TCF25: variants seen among roughly 807,000 people sequenced by gnomAD.
TCF25 encodes ribosome quality control complex subunit TCF25.
A neutral mutation model predicts 83.1 loss-of-function variants in TCF25; 41 were observed. The ratio of observed to expected loss-of-function variants is 0.49; its 90% confidence interval spans 0.38 to 0.64. The LOEUF (loss-of-function observed/expected upper bound fraction) is 0.64, where lower values mean the gene tolerates loss of function less well. TCF25 is among the 30% of genes least tolerant of loss of function. TCF25 has a pLI of 0.00. For synonymous variants in TCF25, 458 were observed against 365.0 expected (o/e 1.25, Z -2.90); for missense variants, 979 against 914.5 (o/e 1.07, Z -0.91).
intron 15 of TCF25, among the ~76,000 whole-genome samples, chr16:89,906,691 G>A (rs761167698): frequency 6.6e-6 from 1 of 152,164 alleles, no homozygotes; most frequent in Non-Finnish European, 1.5e-5. Context: ...AAGATAGAAC[G>A]AGTGAGAAAA....
At chr16:89,878,067 C>G (rs1472126806) in intron 1 of TCF25, among the ~76,000 whole-genome samples, 1 of 152,152 alleles carries the variant, frequency 6.6e-6, no homozygotes, top group Non-Finnish European at 1.5e-5. Flanking sequence ...CACTTGAGCT[C>G]AGGTGTGTGA....
chr16:89,873,748 T>C lies in TCF25; in HGVS notation c.81T>C (p.Asp27=). 1.2e-6 allele frequency: 2 copies of C among 1,611,332 alleles called. No individual in the cohort carries two copies. The highest frequency in any genetic ancestry group is 1.7e-6 in the Non-Finnish European group (2 of 1,179,428). The change falls in exon 1 of 18, where the codon GAT becomes GAC. Residue 27 remains aspartate (D), a synonymous_variant. Transcript: ENST00000263346. ...EPLGPGALHF[D]LRDDDDAEEE... ...TCGGGCCCGGCGCCTTGCATTTCGA[T>C]CTCCGTGATGACGATGACGCGGAAG...
intron 16 of TCF25, among the ~76,000 whole-genome samples, chr16:89,908,647 G>A (rs867841678): frequency 6.4e-5 from 1 of 15,648 alleles, no homozygotes; most frequent in Non-Finnish European, 1.2e-4. Flanking sequence ...CCACCTCCCA[G>A]CTCCCACCTC....
intron 9 of TCF25, 25 bp downstream of exon 9, chr16:89,896,108 A>G (rs1567720191): frequency 1.9e-6 from 3 of 1,604,354 alleles, no homozygotes; most frequent in Non-Finnish European, 2.6e-6. Flanking sequence ...CCTGGAGGTG[A>G]CGCAGCTCCC....
In TCF25 at chr16:89,887,778, G is replaced by T. The variant is rs1017604247; in HGVS notation, c.614+61G>T. 2.8e-6 allele frequency: 4 copies of T among 1,449,870 alleles called. No homozygotes were observed. The Admixed American group carries it at 1.0e-4, about 37-fold the overall frequency. The allele number at this position is 1,449,870 out of a possible 1,614,324, so 89.8% of individuals were successfully genotyped here. ...TTCATTCCTTCTTAGACTCTTGGCC[G>T]GGGGTGGTGTTCCTGAAGCTAGTTT... On this transcript the variant is annotated intron_variant, in intron 5 of 17. Coordinates refer to ENST00000263346, the MANE Select transcript of TCF25 (RefSeq NM_014972.3).
In TCF25 at chr16:89,901,365, G is replaced by C. The variant is rs1376234838; in HGVS notation, c.1381+571G>C. Among the ~76,000 whole-genome samples, 7 of 152,318 alleles carry C rather than the reference G, an allele frequency of 4.6e-5. No homozygotes were observed. In the East Asian group the frequency reaches 9.6e-4, roughly 21 times the overall value. On this transcript the variant is annotated intron_variant, in intron 12 of 17. Transcript: ENST00000263346. ...CCTCTTTAAGATGGGCCTCCTCCGA[G>C]GAGCTGTGAGGGGTGAGGGTGAAAT... is the stretch of plus-strand genomic sequence containing the variant.
intron 17 of TCF25, 143 bp downstream of exon 17, chr16:89,910,806 T>G (rs2144360698): frequency 9.6e-7 from 1 of 1,038,364 alleles, no homozygotes; most frequent in East Asian, 2.5e-5. Context: ...ATTGTGCCAG[T>G]GGGGTGCCCA....
chr16:89,892,925 C>G (rs539894490), intron 6 of TCF25, among the ~76,000 whole-genome samples: 1 of 152,196 alleles, frequency 6.6e-6, no homozygotes, highest in Admixed American at 6.5e-5. Context: ...ATGGCTCCCA[C>G]GGCCGCTTCT....
chr16:89,910,375 G>A (rs891938247), intron 16 of TCF25: 2 of 595,604 alleles, frequency 3.4e-6, no homozygotes, highest in Middle Eastern at 4.4e-4. Context: ...CCCTCATCCT[G>A]TTCCCGCTGT....
intron 12 of TCF25, 109 bp downstream of exon 12, chr16:89,900,903 A>C: frequency 8.0e-7 from 1 of 1,254,546 alleles, no homozygotes; most frequent in Non-Finnish European, 1.1e-6. Flanking sequence ...ACACTTGTAG[A>C]AACATGCATT....
chr16:89,886,347 G>A (rs896615064), intron 4 of TCF25, among the ~76,000 whole-genome samples: 1 of 152,086 alleles, frequency 6.6e-6, no homozygotes, highest in Non-Finnish European at 1.5e-5. Flanking sequence ...AGAATGGCGT[G>A]AACCCAATAG....
At chr16:89,909,247 C>T in intron 16 of TCF25, 1 of 929,620 alleles carries the variant, frequency 1.1e-6, no homozygotes, top group Non-Finnish European at 1.4e-6. Flanking sequence ...TGCAGTGACT[C>T]ACGCCTGTAA....
chr16:89,883,744 G>A, intron 2 of TCF25: 1 of 520,466 alleles, frequency 1.9e-6, no homozygotes, highest in Non-Finnish European at 3.4e-6. Flanking sequence ...CTGCCCAGCA[G>A]TGTATGTAAC....
chr16:89,908,645 C>T (rs1485596654), intron 16 of TCF25, among the ~76,000 whole-genome samples: 1 of 126,456 alleles, frequency 7.9e-6, no homozygotes, highest in African/African-American at 3.3e-5. Context: ...TCCCACCTCC[C>T]AGCTCCCACC....
At chr16:89,874,382 C>A (rs2042004394) in intron 1 of TCF25, among the ~76,000 whole-genome samples, 1 of 152,044 alleles carries the variant, frequency 6.6e-6, no homozygotes, top group Non-Finnish European at 1.5e-5. Context: ...GGGGGTGGGG[C>A]CACGGCGTAG....
chr16:89,897,506 C>G (rs796103671), intron 9 of TCF25, among the ~76,000 whole-genome samples: 7 of 152,408 alleles, frequency 4.6e-5, no homozygotes, highest in African/African-American at 1.7e-4. Context: ...CTGACCCGTT[C>G]TGCACAGATT....
At chr16:89,898,219 T>C (rs1157683013) in intron 9 of TCF25, among the ~76,000 whole-genome samples, 1 of 152,212 alleles carries the variant, frequency 6.6e-6, no homozygotes, top group Non-Finnish European at 1.5e-5. Flanking sequence ...TGGATCTCTG[T>C]GTGCTGGGCA....
intron 1 of TCF25, among the ~76,000 whole-genome samples, chr16:89,875,184 T>G (rs1246824459): frequency 6.6e-6 from 1 of 152,220 alleles, no homozygotes; most frequent in East Asian, 1.9e-4. Context: ...TTTTTAAATT[T>G]TTGTCAATGT....
intron 17 of TCF25, 145 bp downstream of exon 17, chr16:89,910,808 G>A (rs2045494900): frequency 9.7e-7 from 1 of 1,031,860 alleles, no homozygotes; most frequent in Non-Finnish European, 1.4e-6. Context: ...TGTGCCAGTG[G>A]GGTGCCCATT....
Sources: gnomAD v4.1 joint callset for allele counts (sites outside exome capture counted in the v4.1 genomes callset) on GRCh38, gnomAD v4.1.1 for gene constraint, MANE v1.5 for transcripts, NCBI Gene and HGNC (gene_info 2026-07-23, HGNC 2026-07-21) for gene names.